LTBP2: variants seen among roughly 807,000 people sequenced by gnomAD.
The protein encoded by LTBP2 is latent-transforming growth factor beta-binding protein 2.
Under a neutral mutation model 210.6 loss-of-function variants are expected in LTBP2, and 103 were observed. The observed-to-expected ratio is 0.49, with a 90% CI of 0.42 to 0.58. LTBP2 has a LOEUF of 0.58. Ranked by LOEUF, LTBP2 falls within the 20% of genes least tolerant of loss-of-function variation. The pLI is 0.00. For synonymous variants in LTBP2, 1,007 were observed against 1,015.0 expected, an observed-to-expected ratio of 0.99 and a Z score of 0.15; for missense variants, 2,313 against 2,494.5, an observed-to-expected ratio of 0.93 and a Z score of 1.55.
At chr14:74,572,466 T>C (rs61980907) in intron 3 of LTBP2, among the ~76,000 whole-genome samples, 56,915 of 149,886 alleles carry the variant, frequency 0.38, 12,539 homozygotes, top group Non-Finnish European at 0.5. Context: ...TTTTTTAAAC[T>C]GTGATCATAC....
Position 74,526,070 on chromosome 14 carries a change from C to A in LTBP2, c.2428+5G>T, listed in dbSNP as rs786205624. ...GCCTAGGAGCCGCCAGGAAGAGGGACTCACCTGTGACCCAGGCAGGTGCAT... is the reference window on the plus strand; with the variant it reads ...GCCTAGGAGCCGCCAGGAAGAGGGAATCACCTGTGACCCAGGCAGGTGCAT... On this transcript the variant is annotated splice_donor_5th_base_variant and intron_variant, in intron 14 of 35. Coordinates refer to ENST00000261978, the MANE Select transcript of LTBP2 (RefSeq NM_000428.3). 6.2e-7 allele frequency: 1 copy of A among 1,603,694 alleles called. No homozygotes were observed. Among genetic ancestry groups the A allele is most frequent in the Non-Finnish European group, 8.5e-7 (1 of 1,174,634 alleles).
rs772707763 is a variant in LTBP2 at position 74,552,274 on chromosome 14, G to T, written c.1312C>A (p.Pro438Thr). The T allele has an allele frequency of 6.2e-7, 1 of 1,613,318 alleles. No individual in the cohort carries two copies. The highest frequency in any genetic ancestry group is 1.1e-5 in the South Asian group (1 of 91,078). The change falls in exon 6 of 36, where the codon CCT becomes ACT. Residue 438 changes from proline (P) to threonine (T), a missense_variant. Physicochemically the swap from Pro to Thr is conservative, Grantham distance 38 (BLOSUM62 -1). Around this residue, in one of 3 missense-constraint regions of LTBP2, gnomAD observed 1,867 missense variants for 1,976.9 expected, o/e 0.94. Coordinates refer to ENST00000261978, the MANE Select transcript of LTBP2 (RefSeq NM_000428.3). ...HLPIPQPDRE[P>T]PGRGSRPRAL... ...CTGGGGCGGGACCCCCTCCCTGGAG[G>T]CTCCCTGTCCGGCTGCGGGATAGGC...
intron 3 of LTBP2, among the ~76,000 whole-genome samples, chr14:74,582,397 TACACACAC>T (rs58985238): frequency 0.03 from 4,226 of 140,622 alleles, 65 homozygotes; most frequent in Admixed American, 0.036. Flanking sequence ...CACACATACA[TACACACAC>T]ACACACACAC....
rs781776135 is a variant in LTBP2 at position 74,503,536 on chromosome 14, G to A, written c.4653C>T (p.Cys1551=). The part of the protein sequence containing the change: ...ECVNTEGSFH[C]FCSPPLTLDL... ...CCAGGGTGAGCGGGGGGCTGCAGAA[G>A]CAGTGGAAGGAGCCCTCCGTGTTGA... Residue 1551 remains cysteine (C), a synonymous_variant, in exon 32 of 36, where the codon TGC becomes TGT. Coordinates refer to ENST00000261978, the MANE Select transcript of LTBP2 (RefSeq NM_000428.3). 5 of 1,613,782 alleles carry A rather than the reference G, an allele frequency of 3.1e-6. No individual in the cohort carries two copies. In the South Asian group the frequency reaches 4.4e-5, roughly 14 times the overall value.
rs971202468 is a variant in LTBP2 at position 74,499,583 on chromosome 14, G to A, written c.*1301C>T. 8 of 227,640 alleles carry A rather than the reference G, an allele frequency of 3.5e-5. No homozygotes were observed. Among genetic ancestry groups the A allele is most frequent in the Non-Finnish European group, 8.7e-6 (1 of 114,538 alleles). The allele number at this position is 227,640 out of a possible 1,614,324, so 14.1% of individuals were successfully genotyped here. ...ACATTGCCATTCATCAGAGAAGTAC[G>A]AAGTCAGAGCTTTCCTTGTCTTTTA... On this transcript the variant is annotated 3_prime_UTR_variant, in exon 36 of 36. Coordinates refer to ENST00000261978, the MANE Select transcript of LTBP2 (RefSeq NM_000428.3).
rs187626748 is a variant in LTBP2, at chr14:74,528,043, C to T, written c.2368+440G>A. Among the ~76,000 whole-genome samples the T allele has an allele frequency of 1.2e-3, 185 of 152,362 alleles. 2 individuals are homozygous for T. The South Asian group carries it at 0.016, about 13-fold the overall frequency. ...TACCCAGCCTCCCTCCAGCCCCGTG[C>T]CTCTGGGGTCCAAGGCCGTTGAGCT... On this transcript the variant is annotated intron_variant, in intron 12 of 35. Transcript: ENST00000261978.
chr14:74,535,791 C>A (rs2087413165), intron 9 of LTBP2, 135 bp downstream of exon 9: 1 of 789,966 alleles, frequency 1.3e-6, no homozygotes, highest in Middle Eastern at 3.4e-4. Flanking sequence ...ATCAGCAGCC[C>A]CCCACCACTC....
In LTBP2 at chr14:74,555,691, G is replaced by T. The variant is rs779091649; in HGVS notation, c.833C>A (p.Thr278Asn). The change falls in exon 4 of 36, where the codon ACC becomes AAC. Residue 278 changes from threonine (T) to asparagine (N), a missense_variant and splice_region_variant. By Grantham distance (65) the Thr-to-Asn change is moderately conservative. Coordinates refer to ENST00000261978, the MANE Select transcript of LTBP2 (RefSeq NM_000428.3). Reference sequence around the variant, plus strand: ...GTGGGTCTGGCTGAGGCCACTCAGGGTCCTGTGGAGACAACCGCGGCACGG... The same window carrying T: ...GTGGGTCTGGCTGAGGCCACTCAGGTTCCTGTGGAGACAACCGCGGCACGG... ...PPAPQSPPAGTLSGLSQTHPS... is the reference protein window; with the variant it reads ...PPAPQSPPAGNLSGLSQTHPS... 6.6e-7 allele frequency: 1 copy of T among 1,524,442 alleles called. No individual in the cohort carries two copies. Among genetic ancestry groups the T allele is most frequent in the South Asian group, 1.3e-5 (1 of 76,776 alleles). 94.4% of individuals were successfully genotyped at this position (1,524,442 alleles called of 1,614,324 possible). A position where few individuals can be genotyped will look rare whatever the true frequency, so the allele number is the denominator to read the frequency against.
intron 18 of LTBP2, among the ~76,000 whole-genome samples, chr14:74,516,221 C>A (rs1045009630): frequency 5.3e-5 from 8 of 152,238 alleles, no homozygotes; most frequent in African/African-American, 1.9e-4. Flanking sequence ...CTGACAGGGA[C>A]GTGGTGGCAG....
chr14:74,506,218 G>A (rs1784648356), intron 27 of LTBP2, 27 bp from the exon 28 acceptor site: 2 of 1,613,974 alleles, frequency 1.2e-6, no homozygotes. Context: ...CAGGCTCGTG[G>A]GCAGAAAAGA....
chr14:74,602,241 T>G (rs2088458657), intron 2 of LTBP2, among the ~76,000 whole-genome samples: 1 of 152,254 alleles, frequency 6.6e-6, no homozygotes, highest in Admixed American at 6.5e-5. Context: ...CAACCCGAGC[T>G]TCAGCTTCCT....
Position 74,500,788 on chromosome 14 carries a change from A to T in LTBP2, c.*96T>A, listed in dbSNP as rs2086899560. The T allele has an allele frequency of 4.6e-6, 7 of 1,527,238 alleles. No individual in the cohort carries two copies. The highest frequency in any genetic ancestry group is 1.4e-5 in the African/African-American group (1 of 73,112). 94.6% of individuals were successfully genotyped at this position (1,527,238 alleles called of 1,614,324 possible). A position where few individuals can be genotyped will look rare whatever the true frequency, so the allele number is the denominator to read the frequency against. On this transcript the variant is annotated 3_prime_UTR_variant, in exon 36 of 36. Coordinates refer to ENST00000261978, the MANE Select transcript of LTBP2 (RefSeq NM_000428.3). ...AGGCTGATTGGAAACCTCTGGCCTG[A>T]TGTCACGGTGTCTTCCCAGCTAGGA...
intron 3 of LTBP2, among the ~76,000 whole-genome samples, chr14:74,562,831 T>C (rs1437286503): frequency 6.6e-6 from 1 of 152,174 alleles, no homozygotes; most frequent in Non-Finnish European, 1.5e-5. Flanking sequence ...TAAATTGACA[T>C]GACCCTTCTG....
At chr14:74,583,985 G>A (rs546963888) in intron 3 of LTBP2, among the ~76,000 whole-genome samples, 8 of 151,222 alleles carry the variant, frequency 5.3e-5, no homozygotes, top group South Asian at 4.1e-4. Context: ...TTGGCTGCAG[G>A]TACAGCTGAG....
At chr14:74,602,090 C>T (rs753810991) in intron 2 of LTBP2, among the ~76,000 whole-genome samples, 6 of 152,204 alleles carry the variant, frequency 3.9e-5, no homozygotes, top group African/African-American at 1.4e-4. Context: ...GGGGATTCCA[C>T]ACTCTGGAAT....
At position 74,526,123 on chromosome 14, in the gene LTBP2, A is replaced by C; in HGVS notation, c.2389-9T>G. 6.3e-7 allele frequency: 1 copy of C among 1,597,510 alleles called. No individual in the cohort carries two copies. On this transcript the variant is annotated splice_polypyrimidine_tract_variant and intron_variant, in intron 13 of 35. Transcript: ENST00000261978. Reference sequence around the variant, plus strand: ...GTGACACTGGTCGTGACCTGCACAGAAACAGGAGAAGGTCACTTTTGGCTC... The same window carrying C: ...GTGACACTGGTCGTGACCTGCACAGCAACAGGAGAAGGTCACTTTTGGCTC...
Position 74,503,398 on chromosome 14 carries a change from G to A in LTBP2, c.4721-12C>T. ...GTCAGGGAGGTCCTCTGGTGGCACAGGGCACGGAGGCACATGAGCCCCCCA... is the reference window on the plus strand; with the variant it reads ...GTCAGGGAGGTCCTCTGGTGGCACAAGGCACGGAGGCACATGAGCCCCCCA... On this transcript the variant is annotated splice_polypyrimidine_tract_variant and intron_variant, in intron 32 of 35. Coordinates refer to ENST00000261978, the MANE Select transcript of LTBP2 (RefSeq NM_000428.3). 1 of 1,611,356 alleles carries A rather than the reference G, an allele frequency of 6.2e-7. No homozygotes were observed. The highest frequency in any genetic ancestry group is 8.5e-7 in the Non-Finnish European group (1 of 1,179,560).
chr14:74,501,930 A>G (rs887335130), intron 34 of LTBP2: 2 of 402,108 alleles, frequency 5.0e-6, no homozygotes, highest in Admixed American at 7.6e-5. Flanking sequence ...GGCGTGGGGA[A>G]GGGGTGAGGT....
At position 74,509,366 on chromosome 14, in the gene LTBP2, G is replaced by A; in HGVS notation, c.3278-3C>T. The A allele has an allele frequency of 1.2e-6, 2 of 1,613,274 alleles. No individual in the cohort carries two copies. Among genetic ancestry groups the A allele is most frequent in the Non-Finnish European group, 1.7e-6 (2 of 1,179,944 alleles). ...CGGGAAGGCACACTCATCTAGGTCTGCAGACAGACAGCGCTCGCCCGGGGA... is the reference window on the plus strand; with the variant it reads ...CGGGAAGGCACACTCATCTAGGTCTACAGACAGACAGCGCTCGCCCGGGGA... On this transcript the variant is annotated splice_polypyrimidine_tract_variant and splice_region_variant and intron_variant, in intron 21 of 35. Coordinates refer to ENST00000261978, the MANE Select transcript of LTBP2 (RefSeq NM_000428.3).
Sources: gnomAD v4.1 joint callset for allele counts (sites outside exome capture counted in the v4.1 genomes callset) on GRCh38, gnomAD v4.1.1 for gene constraint, gnomAD v4.1.1 regional missense constraint, MANE v1.5 for transcripts, NCBI Gene and HGNC (gene_info 2026-07-23, HGNC 2026-07-21) for gene names.